The following SYNPR variants were observed in gnomAD, a reference collection of about 807,000 sequenced individuals.
SYNPR encodes synaptoporin.
A neutral mutation model predicts 32.9 loss-of-function variants in SYNPR; 23 were observed. That is an observed-to-expected ratio of 0.70 (90% confidence interval 0.50 to 0.99). SYNPR has a LOEUF of 0.99. Among genes scored for constraint, SYNPR ranks in the 50% least tolerant of loss-of-function variants. The probability of loss-of-function intolerance (pLI) is 0.00; values close to 1 mark genes in which losing one functional copy is unlikely to be tolerated. For missense variants in SYNPR, 318 were observed against 349.3 expected (o/e 0.91, Z 0.71); for synonymous variants, 146 against 135.9 (o/e 1.07, Z -0.52).
rs546208139 is a variant in SYNPR, at chr3:63,337,145, T to C, written c.84+58403T>C. Among the ~76,000 whole-genome samples, 96 of 148,352 alleles carry C rather than the reference T, an allele frequency of 6.5e-4. 2 individuals are homozygous for C. The highest frequency in any genetic ancestry group is 2.3e-3 in the African/African-American group (94 of 40,102). The stretch of plus-strand genomic sequence containing the variant: ...TACTTGGGAGGCTGAGGCAGGAGAA[T>C]TGATTGACCCAAGGAGGCAGAGGTT... On this transcript the variant is annotated intron_variant, in intron 2 of 5. Coordinates refer to ENST00000478300, the MANE Select transcript of SYNPR (RefSeq NM_001130003.2).
intron 2 of SYNPR, among the ~76,000 whole-genome samples, chr3:63,342,210 A>G (rs1640879127): frequency 6.6e-6 from 1 of 152,112 alleles, no homozygotes; most frequent in African/African-American, 2.4e-5. Context: ...ATTCTGTTCC[A>G]TTTATCTGTT....
intron 2 of SYNPR, among the ~76,000 whole-genome samples, chr3:63,387,296 C>A (rs2088059114): frequency 6.6e-6 from 1 of 152,102 alleles, no homozygotes. Context: ...AAGTGTTTTA[C>A]CATACAGTTA....
intron 2 of SYNPR, among the ~76,000 whole-genome samples, chr3:63,389,659 T>C (rs2088106163): frequency 6.6e-6 from 1 of 152,100 alleles, no homozygotes; most frequent in Admixed American, 6.5e-5. Flanking sequence ...AGATTGAAAA[T>C]CCAGTAGGGG....
chr3:63,375,422 G>A (rs2087875038), intron 2 of SYNPR, among the ~76,000 whole-genome samples: 2 of 152,126 alleles, frequency 1.3e-5, no homozygotes, highest in Middle Eastern at 6.8e-3. Context: ...TCCTTTGCAG[G>A]GACATGGACG....
At chr3:63,574,722 C>A (rs973400154) in intron 4 of SYNPR, among the ~76,000 whole-genome samples, 1 of 152,012 alleles carries the variant, frequency 6.6e-6, no homozygotes, top group Non-Finnish European at 1.5e-5. Context: ...CACTGTATCC[C>A]AGCACACAAC....
intron 2 of SYNPR, among the ~76,000 whole-genome samples, chr3:63,319,055 A>T (rs55778894): frequency 0.13 from 19,282 of 151,954 alleles, 1,327 homozygotes; most frequent in Non-Finnish European, 0.16. Context: ...CAGCGAGTCT[A>T]CCTGGCTCTG....
At chr3:63,312,621 C>A (rs1449598875) in intron 2 of SYNPR, among the ~76,000 whole-genome samples, 2 of 152,024 alleles carry the variant, frequency 1.3e-5, no homozygotes, top group East Asian at 1.9e-4. Flanking sequence ...CTGTGTCTAC[C>A]CACATGCTTT....
intron 2 of SYNPR, among the ~76,000 whole-genome samples, chr3:63,328,154 A>AT (rs745463408): frequency 7.2e-5 from 11 of 152,182 alleles, no homozygotes; most frequent in Non-Finnish European, 1.5e-4. Context: ...GACCAGTTAT[A>AT]TAATTCAAGA....
chr3:63,473,047 C>T (rs952116956), intron 2 of SYNPR, among the ~76,000 whole-genome samples: 1 of 152,024 alleles, frequency 6.6e-6, no homozygotes, highest in African/African-American at 2.4e-5. Flanking sequence ...CTGAGTAACT[C>T]TCTTCTTTTT....
chr3:63,376,964 C>A (rs953117548), intron 2 of SYNPR, among the ~76,000 whole-genome samples: 2 of 152,086 alleles, frequency 1.3e-5, no homozygotes, highest in East Asian at 3.9e-4. Context: ...GTCATGCCAA[C>A]ATTGTATTTT....
At chr3:63,304,881 AT>A (rs1033490456) in intron 2 of SYNPR, among the ~76,000 whole-genome samples, 42 of 151,946 alleles carry the variant, frequency 2.8e-4, no homozygotes, top group African/African-American at 1.0e-3. Flanking sequence ...AACCTAAAAG[AT>A]TTTCTACAAG....
chr3:63,411,411 A>C (rs2088463209), intron 2 of SYNPR, among the ~76,000 whole-genome samples: 1 of 152,182 alleles, frequency 6.6e-6, no homozygotes, highest in Admixed American at 6.5e-5. Context: ...GGATATAATA[A>C]TGGGTAAGTC....
chr3:63,208,152 A>C, the SYNPR span, among the ~76,000 whole-genome samples: 1 of 152,180 alleles, frequency 6.6e-6, no homozygotes, highest in African/African-American at 2.4e-5. Flanking sequence ...CTTCCAGAAT[A>C]TACATCTCTT....
chr3:63,442,563 C>T (rs1700199569), intron 2 of SYNPR, among the ~76,000 whole-genome samples: 1 of 152,200 alleles, frequency 6.6e-6, no homozygotes, highest in African/African-American at 2.4e-5. Flanking sequence ...GATTTCGGCC[C>T]TTCGAAGTAG....
chr3:63,575,093 A>C (rs11712941), intron 4 of SYNPR, among the ~76,000 whole-genome samples: 45,849 of 151,762 alleles, frequency 0.3, 7,433 homozygotes, highest in South Asian at 0.44. Context: ...AAGCACCCGC[A>C]TTGAAGCAGG....
chr3:63,596,662 G>T (rs1427922707), intron 4 of SYNPR, among the ~76,000 whole-genome samples: 1 of 152,076 alleles, frequency 6.6e-6, no homozygotes, highest in Non-Finnish European at 1.5e-5. Flanking sequence ...CCCAACTATG[G>T]GACTCTACAG....
rs529895618 is a variant in SYNPR at position 63,302,778 on chromosome 3, A to G, written c.84+24036A>G. On this transcript the variant is annotated intron_variant, in intron 2 of 5. Transcript: ENST00000478300. ...ACCTAATGGATAATAATAAACTTAGAAAAATTGATTAATTATACAAATATA... is the reference window on the plus strand; with the variant it reads ...ACCTAATGGATAATAATAAACTTAGGAAAATTGATTAATTATACAAATATA... 1.4e-4 allele frequency among the ~76,000 whole-genome samples: 21 copies of G among 152,112 alleles called. No individual in the cohort carries two copies. The East Asian group carries it at 3.9e-3, about 28-fold the overall frequency.
At chr3:63,576,790 CAA>C (rs34309720) in intron 4 of SYNPR, among the ~76,000 whole-genome samples, 8 of 76,378 alleles carry the variant, frequency 1.0e-4, no homozygotes, top group Admixed American at 1.5e-4. Flanking sequence ...GAATACGTCT[CAA>C]AAAAAAAAAA....
chr3:63,516,197 C>G (rs1339707241), intron 3 of SYNPR, among the ~76,000 whole-genome samples: 1 of 152,130 alleles, frequency 6.6e-6, no homozygotes, highest in Admixed American at 6.6e-5. Context: ...GCTCACTATC[C>G]TGCTGCCCAT....
Sources: gnomAD v4.1 joint callset for allele counts (sites outside exome capture counted in the v4.1 genomes callset) on GRCh38, gnomAD v4.1.1 for gene constraint, MANE v1.5 for transcripts, NCBI Gene and HGNC (gene_info 2026-07-23, HGNC 2026-07-21) for gene names.